The following CCDC150 variants were observed in gnomAD, a reference collection of about 807,000 sequenced individuals.
The protein encoded by CCDC150 is coiled-coil domain containing 150.
CCDC150 carries 151 observed loss-of-function variants against 156.5 expected under a neutral mutation model. The observed-to-expected ratio is 0.97, with a 90% confidence interval of 0.85 to 1.10. The LOEUF is 1.10. Among genes scored for constraint, CCDC150 ranks in the 50% least tolerant of loss-of-function variants. The probability of loss-of-function intolerance (pLI) is 0.00; values close to 1 mark genes in which losing one functional copy is unlikely to be tolerated. For synonymous variants in CCDC150, 452 were observed against 429.4 expected (o/e 1.05, Z -0.65); for missense variants, 1,312 against 1,268.1 (o/e 1.03, Z -0.53).
intron 22 of CCDC150, 130 bp from the exon 23 acceptor site, chr2:196,729,063 C>T (rs2460436): frequency 0.78 from 602,607 of 777,018 alleles, 235,189 homozygotes; most frequent in East Asian, 0.96. Context: ...CTTAATCAGA[C>T]ATTATTATTG....
intron 4 of CCDC150, among the ~76,000 whole-genome samples, chr2:196,658,298 G>C (rs1341928441): frequency 6.6e-6 from 1 of 152,146 alleles, no homozygotes; most frequent in African/African-American, 2.4e-5. Context: ...AGGGACTAAA[G>C]GCAGTAAAGA....
rs1476506676 is a variant in CCDC150, at chr2:196,695,711, C to T, written c.1623+552C>T. ...AGAAAAAATTAGCCGGGCGTGGTGG[C>T]GGATGCCTGTAGTTCCAGCTACTCG... On this transcript the variant is annotated intron_variant, in intron 14 of 27. Transcript: ENST00000389175. Among the ~76,000 whole-genome samples, 9 of 150,634 alleles carry T rather than the reference C, an allele frequency of 6.0e-5. No individual in the cohort carries two copies. In the South Asian group the frequency reaches 1.9e-3, roughly 32 times the overall value.
chr2:196,713,240 A>G, intron 17 of CCDC150: 2 of 1,296,484 alleles, frequency 1.5e-6, no homozygotes, highest in Non-Finnish European at 2.0e-6. Context: ...CATTTTCAAT[A>G]TATTTTCCAT....
intron 7 of CCDC150, among the ~76,000 whole-genome samples, chr2:196,668,295 TAAAAAAAAAAAAAA>T (rs55945331): frequency 2.2e-5 from 2 of 92,250 alleles, no homozygotes; most frequent in East Asian, 3.1e-4. Flanking sequence ...AAACTCCATC[TAAAAAAAAAAAAAA>T]AAAAAAAAAA....
Position 196,726,097 on chromosome 2 carries a change from G to A in CCDC150, c.2554G>A (p.Glu852Lys). The A allele has an allele frequency of 6.2e-7, 1 of 1,612,886 alleles. No individual in the cohort carries two copies. Among genetic ancestry groups the A allele is most frequent in the Non-Finnish European group, 8.5e-7 (1 of 1,179,356 alleles). ...GAAAGTGGCACAACGGGAAGTGGCT[G>A]AGGTATAGTCATGAGAAAAGTTTCT... ...TKKVAQREVA[E>K]LKKALDEANF... Residue 852 changes from glutamate (E) to lysine (K), a missense_variant and splice_region_variant, in exon 22 of 28, where the codon GAG (glutamate) becomes AAG (lysine). By Grantham distance (56) the Glu-to-Lys change is moderately conservative (BLOSUM62 1). Transcript: ENST00000389175.
intron 2 of CCDC150, among the ~76,000 whole-genome samples, chr2:196,648,040 T>A: frequency 6.6e-6 from 1 of 152,168 alleles, no homozygotes; most frequent in East Asian, 1.9e-4. Context: ...ATTTCCCTAT[T>A]GATGGGCATT....
rs1444887613 is a variant in CCDC150, at chr2:196,716,157, C to T, written c.1867-2346C>T. 2.0e-5 allele frequency among the ~76,000 whole-genome samples: 3 copies of T among 152,166 alleles called. 1 individual carries two copies. In the South Asian group the frequency reaches 6.2e-4, roughly 32 times the overall value. On this transcript the variant is annotated intron_variant, in intron 17 of 27. Transcript: ENST00000389175. The stretch of plus-strand genomic sequence containing the variant: ...CAAATAAAATCACAGTGAGATACTA[C>T]CACACACCTATTATGGGTACAGCCA...
chr2:196,689,176 T>C (rs1320741256), intron 13 of CCDC150, among the ~76,000 whole-genome samples: 3 of 152,088 alleles, frequency 2.0e-5, no homozygotes, highest in Admixed American at 6.6e-5. Flanking sequence ...AGTCAGGTAG[T>C]GTGATGCCTC....
At chr2:196,695,258 A>G (rs1042257922) in intron 14 of CCDC150, 99 bp downstream of exon 14, 1 of 589,676 alleles carries the variant, frequency 1.7e-6, no homozygotes, top group Non-Finnish European at 3.0e-6. Flanking sequence ...TTGTGTTTTC[A>G]TAATTATTAA....
intron 5 of CCDC150, 129 bp downstream of exon 5, chr2:196,658,989 T>TA: frequency 1.6e-6 from 1 of 637,962 alleles, no homozygotes; most frequent in Admixed American, 3.3e-5. Context: ...ACTTTAAAAA[T>TA]ATGCCACATT....
chr2:196,718,007 A>T (rs1697641736), intron 17 of CCDC150, among the ~76,000 whole-genome samples: 1 of 152,178 alleles, frequency 6.6e-6, no homozygotes, highest in Non-Finnish European at 1.5e-5. Flanking sequence ...AAATAGTATG[A>T]TTATCTGAAC....
intron 15 of CCDC150, among the ~76,000 whole-genome samples, chr2:196,711,748 CTTGCACA>C (rs1310156392): frequency 1.3e-5 from 2 of 152,134 alleles, no homozygotes; most frequent in African/African-American, 4.8e-5. Context: ...ATGTCTGCTT[CTTGCACA>C]TTGACAGTTC....
intron 13 of CCDC150, 37 bp downstream of exon 13, chr2:196,677,398 T>G: frequency 1.5e-6 from 2 of 1,331,922 alleles, no homozygotes; most frequent in Non-Finnish European, 2.1e-6. Context: ...TTCACTATAT[T>G]TCCTTCTGTA....
intron 18 of CCDC150, among the ~76,000 whole-genome samples, chr2:196,718,917 A>G (rs1371333370): frequency 6.6e-6 from 1 of 151,860 alleles, no homozygotes; most frequent in East Asian, 1.9e-4. Flanking sequence ...CTTGGTAATA[A>G]TAACCTTTAT....
chr2:196,685,208 G>T (rs1695054198), intron 13 of CCDC150, among the ~76,000 whole-genome samples: 1 of 151,588 alleles, frequency 6.6e-6, no homozygotes, highest in Non-Finnish European at 1.5e-5. Flanking sequence ...TCTGTATTTT[G>T]GTTTATAGGT....
intron 17 of CCDC150, chr2:196,713,195 C>T: frequency 9.2e-7 from 1 of 1,092,136 alleles, no homozygotes; most frequent in East Asian, 2.8e-5. Flanking sequence ...TCATATTTTA[C>T]AGTGTGATCT....
Position 196,732,060 on chromosome 2 carries a change from C to G in CCDC150, c.3097C>G (p.Arg1033Gly), listed in dbSNP as rs761861289. ...AACAGCTAATCTGGAAGAAGCTCAT[C>G]GCTGGTTTAAGCACAGGTTTGATGG... Reference protein sequence around the residue: ...QITANLEEAHRWFKHRFDGLQ... With the variant: ...QITANLEEAHGWFKHRFDGLQ... Residue 1033 changes from arginine to glycine, a missense_variant, in exon 27 of 28, where the codon CGC becomes GGC. Physicochemically the swap from Arg to Gly is moderately radical, Grantham distance 125. Coordinates refer to ENST00000389175, the MANE Select transcript of CCDC150 (RefSeq NM_001080539.2). The G allele has an allele frequency of 1.2e-6, 2 of 1,613,676 alleles. No individual in the cohort carries two copies. The highest frequency in any genetic ancestry group is 4.5e-5 in the East Asian group (2 of 44,872).
At chr2:196,669,062 A>C (rs1389419552) in intron 7 of CCDC150, among the ~76,000 whole-genome samples, 1 of 152,212 alleles carries the variant, frequency 6.6e-6, no homozygotes, top group Admixed American at 6.5e-5. Context: ...ACTAGTATAT[A>C]ATACCAAACT....
At chr2:196,660,624 G>A (rs148978706) in intron 5 of CCDC150, among the ~76,000 whole-genome samples, 2 of 152,272 alleles carry the variant, frequency 1.3e-5, no homozygotes, top group African/African-American at 4.8e-5. Flanking sequence ...TGAGTTATCT[G>A]TTAGACTTTT....
Sources: gnomAD v4.1 joint callset for allele counts (sites outside exome capture counted in the v4.1 genomes callset) on GRCh38, gnomAD v4.1.1 for gene constraint, MANE v1.5 for transcripts, NCBI Gene and HGNC (gene_info 2026-07-23, HGNC 2026-07-21) for gene names.